The following PRDM1 variants were observed in gnomAD, a reference collection of about 807,000 sequenced individuals.
PRDM1 encodes the protein PR domain zinc finger protein 1.
PRDM1 carries 13 observed loss-of-function variants against 62.8 expected under a neutral mutation model. That is an observed-to-expected ratio of 0.21 (90% CI 0.13 to 0.33). PRDM1 has a LOEUF of 0.33. PRDM1 is among the 10% of genes least tolerant of loss of function. The probability of loss-of-function intolerance (pLI) is 1.00; values close to 1 mark genes in which losing one functional copy is unlikely to be tolerated. For synonymous variants in PRDM1, 396 were observed against 417.6 expected (o/e 0.95, Z 0.63); for missense variants, 895 against 1,058.8 (o/e 0.85, Z 2.15).
rs1562174876 is a variant in PRDM1, at chr6:106,105,727, G to A, written c.1567G>A (p.Ala523Thr). The A allele has an allele frequency of 4.3e-6, 7 of 1,613,720 alleles. No individual in the cohort carries two copies. The highest frequency in any genetic ancestry group is 1.3e-5 in the African/African-American group (1 of 74,926). The stretch of plus-strand genomic sequence containing the variant: ...CGGGTCTCCCACGGCGGGAACAGCC[G>A]CCACGGCAGAACATGTGGTGCAGCC... ...TSGSPTAGTA[A>T]TAEHVVQPKA... The change falls in exon 5 of 7, where the codon GCC becomes ACC. Residue 523 changes from alanine to threonine, a missense_variant. Ala to Thr is a moderately conservative substitution (Grantham distance 58). Coordinates refer to ENST00000369096, the MANE Select transcript of PRDM1 (RefSeq NM_001198.4).
At chr6:106,098,265 A>G (rs926061375) in intron 3 of PRDM1, 18 of 985,152 alleles carry the variant, frequency 1.8e-5, no homozygotes, top group Non-Finnish European at 2.2e-5. Context: ...TAAAGGTGGT[A>G]CCTCCTAAAA....
chr6:106,088,478 T>C (rs1397357989), intron 2 of PRDM1, 29 bp downstream of exon 2: 2 of 1,613,150 alleles, frequency 1.2e-6, no homozygotes, highest in African/African-American at 1.3e-5. Context: ...GACAAGAAGA[T>C]TGGGGACCTG....
At chr6:105,998,891 A>G (rs1772385549) in intron 1 of PRDM1, among the ~76,000 whole-genome samples, 1 of 7,022 alleles carries the variant, frequency 1.4e-4, no homozygotes, top group Non-Finnish European at 2.6e-4. Context: ...AAGTTAATAC[A>G]TATATATATA....
intron 1 of PRDM1, among the ~76,000 whole-genome samples, chr6:105,998,908 T>C (rs1772386592): frequency 8.8e-5 from 1 of 11,408 alleles, no homozygotes; most frequent in Non-Finnish European, 1.5e-4. Context: ...TATATATATA[T>C]ATATATATAT....
At chr6:106,052,769 G>A (rs569344282) in intron 1 of PRDM1, among the ~76,000 whole-genome samples, 1 of 152,124 alleles carries the variant, frequency 6.6e-6, no homozygotes, top group Admixed American at 6.5e-5. Flanking sequence ...TCAGGAGATC[G>A]AGACCATCCT....
intron 1 of PRDM1, among the ~76,000 whole-genome samples, chr6:106,061,604 A>G (rs1773346774): frequency 6.6e-6 from 1 of 152,174 alleles, no homozygotes; most frequent in African/African-American, 2.4e-5. Flanking sequence ...GCCACCCTCA[A>G]CAAATTTGGC....
intron 1 of PRDM1, among the ~76,000 whole-genome samples, chr6:106,060,508 T>C (rs1773330028): frequency 6.6e-6 from 1 of 152,066 alleles, no homozygotes. Context: ...GTACTAGGGA[T>C]TGGCATAAGT....
At chr6:106,052,185 A>G (rs990649972) in intron 1 of PRDM1, among the ~76,000 whole-genome samples, 1 of 72,566 alleles carries the variant, frequency 1.4e-5, no homozygotes. Flanking sequence ...TATGCCATGT[A>G]TATTTTACCA....
Position 106,037,229 on chromosome 6 carries a change from C to T in PRDM1, c.-67+43590C>T, listed in dbSNP as rs907617761. 2.0e-5 allele frequency among the ~76,000 whole-genome samples: 3 copies of T among 152,098 alleles called. No homozygotes were observed. The East Asian group carries it at 5.8e-4, about 29-fold the overall frequency. ...GTACATTGAATATACTAGCTCACTG[C>T]CTTCTTGCCCCTAAAATTCCTGATG... is the stretch of plus-strand genomic sequence containing the variant. On this transcript the variant is annotated intron_variant, in intron 1 of 6. Coordinates refer to the PRDM1 transcript ENST00000652320.
intron 4 of PRDM1, among the ~76,000 whole-genome samples, chr6:106,103,431 GATCCCCCA>G (rs778927963): frequency 2.6e-5 from 4 of 152,168 alleles, no homozygotes; most frequent in Non-Finnish European, 4.4e-5. Context: ...GCTTCAGCAT[GATCCCCCA>G]AACCTGCTGC....
intron 1 of PRDM1, among the ~76,000 whole-genome samples, chr6:106,039,380 G>A (rs547568819): frequency 6.6e-6 from 1 of 152,298 alleles, no homozygotes; most frequent in South Asian, 2.1e-4. Flanking sequence ...GCTGCCTTAA[G>A]TTTATTTTCA....
intron 3 of PRDM1, chr6:106,099,064 A>G (rs932829815): frequency 2.5e-6 from 4 of 1,614,012 alleles, no homozygotes; most frequent in African/African-American, 1.3e-5. Flanking sequence ...TTTCCCGAAC[A>G]TGAAAAGACG....
intron 1 of PRDM1, among the ~76,000 whole-genome samples, chr6:106,080,368 C>A (rs944799057): frequency 1.3e-5 from 2 of 152,164 alleles, no homozygotes; most frequent in African/African-American, 4.8e-5. Context: ...GTCTGAGGCC[C>A]CAGAGTCATT....
intron 1 of PRDM1, among the ~76,000 whole-genome samples, chr6:106,023,362 G>A (rs1772721729): frequency 6.6e-6 from 1 of 151,916 alleles, no homozygotes; most frequent in South Asian, 2.1e-4. Flanking sequence ...TTAATGATTT[G>A]CCTGTAGTCC....
chr6:106,004,915 GA>G (rs1772466243), intron 1 of PRDM1, among the ~76,000 whole-genome samples: 1 of 152,114 alleles, frequency 6.6e-6, no homozygotes, highest in African/African-American at 2.4e-5. Flanking sequence ...GTGGAAAGGG[GA>G]AAAACTTTCC....
intron 1 of PRDM1, among the ~76,000 whole-genome samples, chr6:106,016,560 A>G (rs556229932): frequency 6.6e-6 from 1 of 152,220 alleles, no homozygotes; most frequent in Non-Finnish European, 1.5e-5. Flanking sequence ...TTTATTTCAT[A>G]AAGGACAAAA....
intron 1 of PRDM1, among the ~76,000 whole-genome samples, chr6:106,068,592 T>C (rs922676693): frequency 6.6e-6 from 1 of 152,222 alleles, no homozygotes. Context: ...GGTTAAATTC[T>C]CCTTCTACCA....
intron 1 of PRDM1, among the ~76,000 whole-genome samples, chr6:106,050,796 A>G (rs1383848687): frequency 6.6e-6 from 1 of 152,244 alleles, no homozygotes; most frequent in Non-Finnish European, 1.5e-5. Flanking sequence ...CTGAGTTAAA[A>G]TAAAGCAAAC....
intron 1 of PRDM1, among the ~76,000 whole-genome samples, chr6:106,013,405 G>A (rs1772580715): frequency 6.8e-6 from 1 of 147,626 alleles, no homozygotes; most frequent in Non-Finnish European, 1.5e-5. Flanking sequence ...TCAGCTCACT[G>A]CAACCTCCAC....
Sources: allele counts gnomAD v4.1 joint callset (sites outside exome capture counted in the v4.1 genomes callset), GRCh38; gene constraint gnomAD v4.1.1; transcripts MANE v1.5; gene names NCBI Gene and HGNC (gene_info 2026-07-23, HGNC 2026-07-21).